Variants in NPRL3 observed in about 807,000 individuals in gnomAD.
NPRL3 encodes GATOR1 complex protein NPRL3.
NPRL3 carries 23 observed loss-of-function variants against 57.2 expected under a neutral mutation model. That is an observed-to-expected ratio of 0.40 (90% CI 0.29 to 0.57). The LOEUF (loss-of-function observed/expected upper bound fraction) is 0.57, where lower values mean the gene tolerates loss of function less well. NPRL3 is among the 20% of genes least tolerant of loss of function. The pLI is 0.42. For missense variants in NPRL3, 691 were observed against 767.1 expected (o/e 0.90, Z 1.17); for synonymous variants, 333 against 321.1 (o/e 1.04, Z -0.39).
intron 7 of NPRL3, among the ~76,000 whole-genome samples, chr16:108,685 T>TA (rs1899641821): frequency 2.0e-5 from 3 of 151,680 alleles, no homozygotes; most frequent in Non-Finnish European, 4.4e-5. Flanking sequence ...TTATTATTAT[T>TA]TTTGAGATGA....
Position 100,487 on chromosome 16 carries a change from G to T in NPRL3, c.652C>A (p.Arg218=). 1 of 1,591,620 alleles carries T rather than the reference G, an allele frequency of 6.3e-7. No individual in the cohort carries two copies. Among genetic ancestry groups the T allele is most frequent in the African/African-American group, 1.4e-5 (1 of 73,570 alleles). ...YDSLCTSGVV[R]LHINSWLEVS... ...TCCAGCCAGCTGTTGATGTGAAGCC[G>T]AACTACGCCCGACGTGCACAGGCTG... is the stretch of plus-strand genomic sequence containing the variant. Residue 218 remains arginine, a synonymous_variant, in exon 8 of 14, where the codon CGG becomes AGG. Coordinates refer to ENST00000611875, the MANE Select transcript of NPRL3 (RefSeq NM_001077350.3).
chr16:134,577 G>A (rs1438649212), intron 2 of NPRL3, among the ~76,000 whole-genome samples: 1 of 151,990 alleles, frequency 6.6e-6, no homozygotes, highest in Non-Finnish European at 1.5e-5. Flanking sequence ...TGCACTTGAT[G>A]CGAAAGTTTA....
intron 7 of NPRL3, among the ~76,000 whole-genome samples, chr16:100,746 G>A (rs1899250788): frequency 7.1e-6 from 1 of 140,976 alleles, no homozygotes; most frequent in Non-Finnish European, 1.5e-5. Flanking sequence ...AAGGTGGGCG[G>A]ATCACGAGGT....
intron 8 of NPRL3, 56 bp downstream of exon 8, chr16:100,316 A>C: frequency 2.8e-6 from 4 of 1,407,536 alleles, no homozygotes; most frequent in Non-Finnish European, 3.7e-6. Flanking sequence ...AATCTCAGGC[A>C]GAAGCTAAAG....
chr16:117,265 C>T lies in NPRL3; in HGVS notation c.393+36G>A. The T allele has an allele frequency of 2.1e-6, 3 of 1,437,666 alleles. No individual in the cohort carries two copies. In the African/African-American group the frequency reaches 4.2e-5, roughly 20 times the overall value. The allele number at this position is 1,437,666 out of a possible 1,614,324, so 89.1% of individuals were successfully genotyped here. On this transcript the variant is annotated intron_variant, in intron 5 of 13. Transcript: ENST00000611875. ...AAAAGAGCTGCTTCTCCACTGGCCCCACTCCCTGATCTTAACCATTTATAT... is the reference window on the plus strand; with the variant it reads ...AAAAGAGCTGCTTCTCCACTGGCCCTACTCCCTGATCTTAACCATTTATAT...
intron 11 of NPRL3, 141 bp from the exon 12 acceptor site, chr16:90,043 G>C (rs892511359): frequency 1.7e-4 from 137 of 803,892 alleles, no homozygotes; most frequent in Non-Finnish European, 2.3e-4. Flanking sequence ...TCTCAGAAAG[G>C]GAGCCCCCAG....
In NPRL3 at chr16:112,710, C is replaced by T. The variant is rs1448846663; in HGVS notation, c.459G>A (p.Leu153=). 2.5e-6 allele frequency: 4 copies of T among 1,611,992 alleles called. No homozygotes were observed. Among genetic ancestry groups the T allele is most frequent in the Non-Finnish European group, 3.4e-6 (4 of 1,178,994 alleles). The change falls in exon 6 of 14, where the codon CTG becomes CTA. Residue 153 remains leucine (L), a synonymous_variant. Transcript: ENST00000611875. ...ACTGGCAGCGGCGCTCCTCGTGCTG[C>T]AGCACGGTGGCGATACGACGGGACA... is the stretch of plus-strand genomic sequence containing the variant. ...HNLSRRIATV[L]QHEERRCQYL... is the part of the protein sequence containing the mutation.
chr16:115,364 A>C (rs543153169), intron 5 of NPRL3, among the ~76,000 whole-genome samples: 19 of 152,170 alleles, frequency 1.2e-4, no homozygotes, highest in African/African-American at 4.6e-4. Flanking sequence ...TAAAATGACA[A>C]AAGTATATAT....
At chr16:112,195 A>G (rs957437828) in intron 6 of NPRL3, among the ~76,000 whole-genome samples, 1 of 152,240 alleles carries the variant, frequency 6.6e-6, no homozygotes, top group African/African-American at 2.4e-5. Flanking sequence ...ACCTATGTGA[A>G]CGGTGATCAT....
In NPRL3 at chr16:100,369, T is replaced by C; in HGVS notation, c.767+3A>G. ...GAGTGAGCACGTGGGGCTGGGCACTTACCGGATGGCTTTCAGGCTCCGTTC... is the reference window on the plus strand; with the variant it reads ...GAGTGAGCACGTGGGGCTGGGCACTCACCGGATGGCTTTCAGGCTCCGTTC... On this transcript the variant is annotated splice_donor_region_variant and intron_variant, in intron 8 of 13. Coordinates refer to ENST00000611875, the MANE Select transcript of NPRL3 (RefSeq NM_001077350.3). The C allele has an allele frequency of 2.0e-6, 3 of 1,531,344 alleles. No individual in the cohort carries two copies. The highest frequency in any genetic ancestry group is 2.6e-6 in the Non-Finnish European group (3 of 1,137,934). 94.9% of individuals were successfully genotyped at this position (1,531,344 alleles called of 1,614,324 possible).
At chr16:137,187 T>G (rs1451296460) in intron 2 of NPRL3, among the ~76,000 whole-genome samples, 2 of 151,502 alleles carry the variant, frequency 1.3e-5, no homozygotes, top group Non-Finnish European at 2.9e-5. Flanking sequence ...GCCACTCAAC[T>G]CCAGCCTGGG....
chr16:99,410 C>T (rs79300656), intron 8 of NPRL3, among the ~76,000 whole-genome samples: 1 of 151,964 alleles, frequency 6.6e-6, no homozygotes, highest in Admixed American at 6.6e-5. Context: ...TTTGGCAGGC[C>T]GAGGCGGGTG....
At chr16:123,333 C>G (rs369914069) in intron 3 of NPRL3, among the ~76,000 whole-genome samples, 1 of 152,046 alleles carries the variant, frequency 6.6e-6, no homozygotes, top group African/African-American at 2.4e-5. Context: ...GAGAAAAAGC[C>G]GGGGTGGTGG....
At chr16:128,511 G>C (rs942192969) in intron 3 of NPRL3, among the ~76,000 whole-genome samples, 6 of 152,208 alleles carry the variant, frequency 3.9e-5, no homozygotes, top group Non-Finnish European at 8.8e-5. Context: ...GCTCACGCCT[G>C]TAATCCCAGC....
At chr16:134,733 G>T (rs1281652385) in intron 2 of NPRL3, among the ~76,000 whole-genome samples, 28 of 119,424 alleles carry the variant, frequency 2.3e-4, no homozygotes, top group African/African-American at 7.7e-4. Flanking sequence ...ACGGAGTCTC[G>T]CTCTGTCGCC....
chr16:122,898 T>C (rs1256790645), intron 3 of NPRL3, among the ~76,000 whole-genome samples: 1 of 152,168 alleles, frequency 6.6e-6, no homozygotes, highest in African/African-American at 2.4e-5. Context: ...TCACAGACAC[T>C]GTGTGTACCT....
intron 7 of NPRL3, among the ~76,000 whole-genome samples, chr16:103,296 ATT>A (rs533871530): frequency 0.018 from 776 of 41,976 alleles, 38 homozygotes; most frequent in Admixed American, 0.031. Flanking sequence ...GCCTGGGGTG[ATT>A]TTTTTTTTTT....
At chr16:119,411 G>C (rs1900191800) in intron 3 of NPRL3, 156 bp from the exon 4 acceptor site, 4 of 686,948 alleles carry the variant, frequency 5.8e-6, no homozygotes, top group Non-Finnish European at 9.9e-6. Context: ...TTGCCCTTCT[G>C]TAGCAATCCC....
chr16:132,698 C>A (rs1162465508), intron 2 of NPRL3, among the ~76,000 whole-genome samples: 2 of 141,806 alleles, frequency 1.4e-5, no homozygotes, highest in Non-Finnish European at 3.0e-5. Context: ...GAGACGGAGT[C>A]TCGCTCTGTC....
Sources: gnomAD v4.1 joint callset for allele counts (sites outside exome capture counted in the v4.1 genomes callset) on GRCh38, gnomAD v4.1.1 for gene constraint, MANE v1.5 for transcripts, NCBI Gene and HGNC (gene_info 2026-07-23, HGNC 2026-07-21) for gene names.